The following EYA1 variants were observed in gnomAD, a reference collection of about 807,000 sequenced individuals.
The protein encoded by EYA1 is protein phosphatase EYA1.
A neutral mutation model predicts 82.0 loss-of-function variants in EYA1; 16 were observed. The ratio of observed to expected loss-of-function variants is 0.20; its 90% CI spans 0.13 to 0.30. The LOEUF is 0.30. EYA1 is among the 10% of genes least tolerant of loss of function. The pLI is 1.00. For synonymous variants in EYA1, 261 were observed against 264.4 expected (o/e 0.99, Z 0.12); for missense variants, 633 against 730.7 (o/e 0.87, Z 1.54).
At chr8:71,471,864 AC>A (rs1809236121) in intron 2 of EYA1, among the ~76,000 whole-genome samples, 1 of 151,984 alleles carries the variant, frequency 6.6e-6, no homozygotes, top group Non-Finnish European at 1.5e-5. Flanking sequence ...AATCCTGCAA[AC>A]CCCTTTTATA....
intron 17 of EYA1, among the ~76,000 whole-genome samples, chr8:71,201,057 T>A (rs1053035553): frequency 6.9e-6 from 1 of 145,270 alleles, no homozygotes. Context: ...GTGACATGAG[T>A]GGCTGCAGGA....
chr8:71,529,156 A>G (rs1351256231), intron 2 of EYA1, among the ~76,000 whole-genome samples: 1 of 152,250 alleles, frequency 6.6e-6, no homozygotes, highest in Non-Finnish European at 1.5e-5. Context: ...GTGACTCAGA[A>G]CCAGAAATTC....
At chr8:71,327,200 A>C (rs927471460) in intron 4 of EYA1, among the ~76,000 whole-genome samples, 1 of 152,248 alleles carries the variant, frequency 6.6e-6, no homozygotes, top group Non-Finnish European at 1.5e-5. Context: ...CTTCACTGCT[A>C]TATTCCCACT....
At chr8:71,270,985 C>T (rs904393405) in intron 10 of EYA1, among the ~76,000 whole-genome samples, 3 of 151,940 alleles carry the variant, frequency 2.0e-5, no homozygotes, top group African/African-American at 4.8e-5. Flanking sequence ...GGGCTTGGTG[C>T]CTGTAGTCCC....
At chr8:71,366,207 A>G (rs1827743813), upstream of EYA1, among the ~76,000 whole-genome samples, 2 of 152,136 alleles carry the variant, frequency 1.3e-5, no homozygotes, top group Admixed American at 1.3e-4. Flanking sequence ...TGAAACTAAT[A>G]GTGATAGCAA....
intron 10 of EYA1, 126 bp downstream of exon 10, chr8:71,271,631 TA>T: frequency 1.0e-6 from 1 of 985,770 alleles, no homozygotes; most frequent in Non-Finnish European, 1.6e-6. Context: ...ATTGTTAATA[TA>T]AAAAAGAAAG....
Position 71,287,674 on chromosome 8 carries a change from C to A in EYA1, c.826+11373G>T, listed in dbSNP as rs539406347. On this transcript the variant is annotated intron_variant, in intron 9 of 17. Transcript: ENST00000340726. ...TTTGGGGCTTTAGTGTCTGAAACAA[C>A]CACAATCCACAATGTACAACAGTAA... Among the ~76,000 whole-genome samples, 15 of 152,274 alleles carry A rather than the reference C, an allele frequency of 9.9e-5. No homozygotes were observed. In the South Asian group the frequency reaches 2.7e-3, roughly 27 times the overall value.
intron 2 of EYA1, among the ~76,000 whole-genome samples, chr8:71,373,000 T>G (rs1312317266): frequency 6.6e-6 from 1 of 152,020 alleles, no homozygotes; most frequent in African/African-American, 2.4e-5. Context: ...TAAAGGCCAT[T>G]TATAAAAGGT....
rs181630709 is a variant in EYA1 at position 71,241,295 on chromosome 8, C to G, written c.1140+3308G>C. Among the ~76,000 whole-genome samples the G allele has an allele frequency of 2.0e-5, 3 of 152,160 alleles. No homozygotes were observed. The East Asian group carries it at 5.8e-4, about 29-fold the overall frequency. ...AAAAGTCACTAAGTGAGATTACAAACAAGACTTATGAAACTAAAATGAATT... is the reference window on the plus strand; with the variant it reads ...AAAAGTCACTAAGTGAGATTACAAAGAAGACTTATGAAACTAAAATGAATT... On this transcript the variant is annotated intron_variant, in intron 12 of 17. Coordinates refer to ENST00000340726, the MANE Select transcript of EYA1 (RefSeq NM_000503.6).
At chr8:71,215,800 A>G in intron 14 of EYA1, 72 bp from the exon 15 acceptor site, 3 of 987,748 alleles carry the variant, frequency 3.0e-6, no homozygotes. Context: ...AGTAATTAAC[A>G]TTTAAAAAGT....
At chr8:71,506,589 G>C (rs1245235761) in intron 2 of EYA1, among the ~76,000 whole-genome samples, 1 of 152,164 alleles carries the variant, frequency 6.6e-6, no homozygotes, top group Admixed American at 6.5e-5. Context: ...GTGTAAAAAG[G>C]GTTTGTTGTT....
In EYA1 at chr8:71,321,895, G is replaced by A. The variant is rs778987675; in HGVS notation, c.273-16C>T. On this transcript the variant is annotated splice_polypyrimidine_tract_variant and intron_variant, in intron 5 of 17. Transcript: ENST00000340726. ...GTATGGTCTGCTATTTGTCAGAAAT[G>A]ACAGAAAATAGAAAGCCCATGCATT... 1.2e-6 allele frequency: 2 copies of A among 1,614,174 alleles called. No individual in the cohort carries two copies. The highest frequency in any genetic ancestry group is 2.2e-5 in the South Asian group (2 of 91,078).
chr8:71,274,478 C>G (rs1022061847), intron 9 of EYA1, among the ~76,000 whole-genome samples: 1 of 152,134 alleles, frequency 6.6e-6, no homozygotes, highest in Non-Finnish European at 1.5e-5. Flanking sequence ...CAAGTTTACC[C>G]CCACTGAGAT....
At chr8:71,262,772 A>T (rs1457527597) in intron 11 of EYA1, among the ~76,000 whole-genome samples, 3 of 152,230 alleles carry the variant, frequency 2.0e-5, no homozygotes, top group Non-Finnish European at 1.5e-5. Context: ...GAAACCTTCA[A>T]GATATGGCCA....
chr8:71,439,078 T>TG (rs949505026), intron 2 of EYA1, among the ~76,000 whole-genome samples: 4 of 152,106 alleles, frequency 2.6e-5, no homozygotes, highest in African/African-American at 9.7e-5. Context: ...GATTTTGATA[T>TG]GGGGGGCCCT....
chr8:71,236,675 C>A (rs187649059), intron 12 of EYA1, among the ~76,000 whole-genome samples: 1 of 152,070 alleles, frequency 6.6e-6, no homozygotes, highest in African/African-American at 2.4e-5. Context: ...TTTCTTTTAC[C>A]TATCCTAAGC....
Position 71,389,958 on chromosome 8 carries a change from G to A in EYA1, c.34-33447C>T, listed in dbSNP as rs564953455. On this transcript the variant is annotated intron_variant, in intron 2 of 18. Coordinates refer to the EYA1 transcript ENST00000643681. Reference sequence around the variant, plus strand: ...ATGCTTAACTGTTTGTACCACTATTGAATTTATCATTTATTGAATTTATCA... The same window carrying A: ...ATGCTTAACTGTTTGTACCACTATTAAATTTATCATTTATTGAATTTATCA... Among the ~76,000 whole-genome samples, 3 of 152,102 alleles carry A rather than the reference G, an allele frequency of 2.0e-5. No homozygotes were observed. In the South Asian group the frequency reaches 6.2e-4, roughly 32 times the overall value.
intron 2 of EYA1, among the ~76,000 whole-genome samples, chr8:71,500,830 G>T (rs895210946): frequency 6.6e-6 from 1 of 152,056 alleles, no homozygotes; most frequent in Non-Finnish European, 1.5e-5. Context: ...GGTATAAAAG[G>T]TAAAAGACCT....
chr8:71,260,735 G>A (rs918145925), intron 11 of EYA1, among the ~76,000 whole-genome samples: 1 of 152,152 alleles, frequency 6.6e-6, no homozygotes, highest in African/African-American at 2.4e-5. Flanking sequence ...AGCCTCCCTG[G>A]CAAGCAATTA....
Sources: allele counts gnomAD v4.1 joint callset (sites outside exome capture counted in the v4.1 genomes callset), GRCh38; gene constraint gnomAD v4.1.1; transcripts MANE v1.5; gene names NCBI Gene and HGNC (gene_info 2026-07-23, HGNC 2026-07-21).